Variants in TRMT11 observed in about 807,000 individuals in gnomAD.
TRMT11 encodes tRNA methyltransferase 11.
A neutral mutation model predicts 62.8 loss-of-function variants in TRMT11; 53 were observed. That is an observed-to-expected ratio of 0.84 (90% CI 0.68 to 1.06). TRMT11 has a LOEUF of 1.06. Ranked by LOEUF, TRMT11 falls within the 50% of genes least tolerant of loss-of-function variation. The pLI is 0.00. For missense variants in TRMT11, 556 were observed against 553.4 expected (o/e 1.00, Z -0.05); for synonymous variants, 188 against 190.3 (o/e 0.99, Z 0.10).
chr6:126,047,091 G>C (rs1236809439), intron 16 of TRMT11, among the ~76,000 whole-genome samples: 1 of 151,796 alleles, frequency 6.6e-6, no homozygotes, highest in East Asian at 2.0e-4. Context: ...CCAGATACAC[G>C]GCTTCTGAAA....
At chr6:126,011,654 T>C (rs933577770) in intron 9 of TRMT11, among the ~76,000 whole-genome samples, 1 of 152,152 alleles carries the variant, frequency 6.6e-6, no homozygotes, top group Non-Finnish European at 1.5e-5. Context: ...CCCTGTTATA[T>C]CCTTTTATAT....
intron 17 of TRMT11, among the ~76,000 whole-genome samples, chr6:126,073,270 C>T (rs1776910720): frequency 6.6e-6 from 1 of 152,080 alleles, no homozygotes. Context: ...CACTCTGAGC[C>T]CAGGAGAATG....
At chr6:126,218,918 G>T in the TRMT11 span, among the ~76,000 whole-genome samples, 6 of 152,148 alleles carry the variant, frequency 3.9e-5, no homozygotes, top group Non-Finnish European at 7.3e-5. Flanking sequence ...GGCTAGGGCT[G>T]GTCTAAATGC....
intron 12 of TRMT11, among the ~76,000 whole-genome samples, chr6:126,038,437 C>CAAA (rs72178194): frequency 0.11 from 14,122 of 128,998 alleles, 2,434 homozygotes; most frequent in African/African-American, 0.38. Flanking sequence ...TGCCCTGAGG[C>CAAA]AAAAAAAAAA....
chr6:126,078,011 C>G (rs941018952), intron 17 of TRMT11, among the ~76,000 whole-genome samples: 5 of 152,138 alleles, frequency 3.3e-5, no homozygotes, highest in African/African-American at 1.2e-4. Context: ...ATATGGGTAG[C>G]TCTGTGCTAA....
chr6:126,101,206 G>A (rs1481098551), intron 17 of TRMT11, among the ~76,000 whole-genome samples: 1 of 152,134 alleles, frequency 6.6e-6, no homozygotes, highest in African/African-American at 2.4e-5. Context: ...CTCCTACAAA[G>A]CTGATGAAGT....
At chr6:126,271,184 T>C in the TRMT11 span, among the ~76,000 whole-genome samples, 1 of 151,352 alleles carries the variant, frequency 6.6e-6, no homozygotes, top group Non-Finnish European at 1.5e-5. Flanking sequence ...GCCAACATGG[T>C]GAAATCCGAT....
intron 17 of TRMT11, among the ~76,000 whole-genome samples, chr6:126,072,541 G>A (rs973685926): frequency 1.3e-5 from 2 of 152,174 alleles, no homozygotes; most frequent in African/African-American, 4.8e-5. Flanking sequence ...GAGCTCGTCT[G>A]TAAAATAGCA....
chr6:126,253,076 A>T, the TRMT11 span, among the ~76,000 whole-genome samples: 1 of 150,996 alleles, frequency 6.6e-6, no homozygotes, highest in Non-Finnish European at 1.5e-5. Context: ...AAAATAATGA[A>T]GTTAAAATGT....
At chr6:126,059,387 T>TA (rs1279061109) in intron 17 of TRMT11, among the ~76,000 whole-genome samples, 1 of 152,154 alleles carries the variant, frequency 6.6e-6, no homozygotes, top group Non-Finnish European at 1.5e-5. Context: ...ACTCTCCTGA[T>TA]ATACTTTGGA....
the TRMT11 span, among the ~76,000 whole-genome samples, chr6:126,269,345 A>C: frequency 6.6e-6 from 1 of 152,066 alleles, no homozygotes; most frequent in Non-Finnish European, 1.5e-5. Context: ...TTGGCTGATA[A>C]AGCAAAATAC....
At chr6:126,076,787 G>GT (rs902914796) in intron 17 of TRMT11, among the ~76,000 whole-genome samples, 1 of 152,076 alleles carries the variant, frequency 6.6e-6, no homozygotes, top group Non-Finnish European at 1.5e-5. Context: ...CCATTGAAGA[G>GT]TTTTTTTAAT....
the TRMT11 span, among the ~76,000 whole-genome samples, chr6:126,259,945 CTGTT>C: frequency 6.6e-6 from 1 of 151,908 alleles, no homozygotes; most frequent in Non-Finnish European, 1.5e-5. Flanking sequence ...TATTTTTAGT[CTGTT>C]TGTCTTTACT....
At chr6:126,098,433 C>T (rs1475792225) in intron 17 of TRMT11, among the ~76,000 whole-genome samples, 3 of 152,174 alleles carry the variant, frequency 2.0e-5, no homozygotes, top group African/African-American at 7.2e-5. Flanking sequence ...AAGCATACTT[C>T]AGATGCATTT....
chr6:126,003,436 A>G (rs990848603), intron 7 of TRMT11, among the ~76,000 whole-genome samples: 1 of 152,090 alleles, frequency 6.6e-6, no homozygotes, highest in Non-Finnish European at 1.5e-5. Context: ...GTGTATGCAT[A>G]TGCAGTTTCA....
At chr6:126,218,353 G>A in the TRMT11 span, among the ~76,000 whole-genome samples, 1 of 152,212 alleles carries the variant, frequency 6.6e-6, no homozygotes, top group Non-Finnish European at 1.5e-5. Flanking sequence ...GCATGTCTCA[G>A]AGTCTCACAC....
intron 7 of TRMT11, among the ~76,000 whole-genome samples, chr6:126,000,075 G>C (rs1265877630): frequency 6.6e-6 from 1 of 152,118 alleles, no homozygotes; most frequent in Non-Finnish European, 1.5e-5. Flanking sequence ...CTTTGAGTTG[G>C]TTTATGGAGG....
At chr6:126,001,196 A>G (rs1165813758) in intron 7 of TRMT11, among the ~76,000 whole-genome samples, 1 of 152,100 alleles carries the variant, frequency 6.6e-6, no homozygotes, top group African/African-American at 2.4e-5. Flanking sequence ...CAGTCTTGCC[A>G]GTTTACCCAG....
the TRMT11 span, among the ~76,000 whole-genome samples, chr6:126,226,170 T>C: frequency 1.3e-5 from 2 of 152,212 alleles, no homozygotes; most frequent in Admixed American, 6.5e-5. Flanking sequence ...AGCTATTTAC[T>C]TATTTGCTTT....
Sources: allele counts gnomAD v4.1 joint callset (sites outside exome capture counted in the v4.1 genomes callset), GRCh38; gene constraint gnomAD v4.1.1; transcripts MANE v1.5; gene names NCBI Gene and HGNC (gene_info 2026-07-23, HGNC 2026-07-21).